KCNE3: variants seen among roughly 807,000 people sequenced by gnomAD.
KCNE3 encodes the protein potassium voltage-gated channel subfamily E regulatory subunit 3, also known as potassium voltage-gated channel subfamily E member 3.
A neutral mutation model predicts 4.3 loss-of-function variants in KCNE3; 2 were observed. The ratio of observed to expected loss-of-function variants is 0.47; its 90% CI spans 0.19 to 1.48. KCNE3 has a LOEUF of 1.48. Ranked by LOEUF, KCNE3 falls within the 40% of genes most tolerant of loss-of-function variation. KCNE3 has a pLI of 0.25. For synonymous variants in KCNE3, 47 were observed against 52.0 expected (o/e 0.90, Z 0.41); for missense variants, 128 against 136.8 (o/e 0.94, Z 0.32).
rs1403621784 is a variant in KCNE3 at position 74,456,524 on chromosome 11, A to T, written c.*728T>A. Reference sequence around the variant, plus strand: ...AACATTCAGGGTCCTGACTCACATGAGCTCCTTCTTAAGGTCCTAGCAGGG... The same window carrying T: ...AACATTCAGGGTCCTGACTCACATGTGCTCCTTCTTAAGGTCCTAGCAGGG... On this transcript the variant is annotated 3_prime_UTR_variant, in exon 3 of 3. Transcript: ENST00000310128. 6.6e-6 allele frequency: 1 copy of T among 152,248 alleles called. No homozygotes were observed. The highest frequency in any genetic ancestry group is 1.5e-5 in the Non-Finnish European group (1 of 68,160). 9.4% of individuals were successfully genotyped at this position (152,248 alleles called of 1,614,324 possible).
intron 1 of KCNE3, among the ~76,000 whole-genome samples, chr11:74,463,840 T>C (rs1268039773): frequency 6.6e-6 from 1 of 152,166 alleles, no homozygotes; most frequent in Non-Finnish European, 1.5e-5. Context: ...CAAATGGCAG[T>C]GTTTCCTCAC....
rs1863802251 is a variant in KCNE3, at chr11:74,456,014, G to A, written c.*1238C>T. ...AGTCTTTTAGAAGCAGATTCAACAT[G>A]ACATCAGAAAACTTCTCTCAGATAG... On this transcript the variant is annotated 3_prime_UTR_variant, in exon 3 of 3. Coordinates refer to ENST00000310128, the MANE Select transcript of KCNE3 (RefSeq NM_005472.5). 6.6e-6 allele frequency: 1 copy of A among 150,838 alleles called. No individual in the cohort carries two copies. Among genetic ancestry groups the A allele is most frequent in the South Asian group, 2.1e-4 (1 of 4,738 alleles). The allele number at this position is 150,838 out of a possible 1,614,324, so 9.3% of individuals were successfully genotyped here.
intron 1 of KCNE3, chr11:74,462,355 C>T (rs934937570): frequency 1.3e-4 from 20 of 152,400 alleles, no homozygotes; most frequent in African/African-American, 4.6e-4. Context: ...CTTACAGTGT[C>T]TTCACTGGGT....
In KCNE3 at chr11:74,457,413, G is replaced by A. The variant is rs1252788225; in HGVS notation, c.151C>T (p.Pro51Ser). Residue 51 changes from proline to serine, a missense_variant, in exon 3 of 3, where the codon CCT (proline) becomes TCT (serine). Pro to Ser is a moderately conservative substitution (Grantham distance 74). Transcript: ENST00000310128. ...ATGTAGGAGTTGTCATCACGGCCAGGTAGGCTGGCCCGCCTCTCTTCAGTC... is the reference window on the plus strand; with the variant it reads ...ATGTAGGAGTTGTCATCACGGCCAGATAGGCTGGCCCGCCTCTCTTCAGTC... ...NQTEERRASLPGRDDNSYMYI... is the reference protein window; with the variant it reads ...NQTEERRASLSGRDDNSYMYI... 6.8e-6 allele frequency: 11 copies of A among 1,613,640 alleles called. No individual in the cohort carries two copies. Among genetic ancestry groups the A allele is most frequent in the Non-Finnish European group, 9.3e-6 (11 of 1,179,704 alleles).
chr11:74,463,155 G>C (rs536915682), intron 1 of KCNE3, among the ~76,000 whole-genome samples: 56 of 152,290 alleles, frequency 3.7e-4, no homozygotes, highest in African/African-American at 1.2e-3. Context: ...GGAGGGGATA[G>C]ACTCTGCAGA....
In KCNE3 at chr11:74,467,070, G is replaced by A. The variant is rs1334384710; in HGVS notation, c.-190+328C>T. ...CACTGGCTGCCAGCTGCAAGTGTTC[G>A]CTTGCACGTCTGTGGGTGTGGAGGA... On this transcript the variant is annotated intron_variant, in intron 1 of 2. Coordinates refer to ENST00000310128, the MANE Select transcript of KCNE3 (RefSeq NM_005472.5). This position sits in a 1 kb window ranked among gnomAD's most constrained non-coding sequence, Gnocchi z 4.4. 6.6e-6 allele frequency among the ~76,000 whole-genome samples: 1 copy of A among 152,176 alleles called. No homozygotes were observed. Among genetic ancestry groups the A allele is most frequent in the East Asian group, 1.9e-4 (1 of 5,192 alleles).
chr11:74,459,299 T>C (rs1484940464), intron 2 of KCNE3, among the ~76,000 whole-genome samples: 2 of 146,856 alleles, frequency 1.4e-5, no homozygotes, highest in Non-Finnish European at 3.0e-5. Context: ...TCTCACTCTG[T>C]CGCCCAGGCT....
At chr11:74,462,650 A>G (rs1863978733) in intron 1 of KCNE3, 1 of 152,248 alleles carries the variant, frequency 6.6e-6, no homozygotes, top group Non-Finnish European at 1.5e-5. Flanking sequence ...AAAGAACATC[A>G]TGTAGTGCTT....
At chr11:74,465,824 C>G (rs1403669980) in intron 1 of KCNE3, among the ~76,000 whole-genome samples, 1 of 152,194 alleles carries the variant, frequency 6.6e-6, no homozygotes, top group Non-Finnish European at 1.5e-5. Flanking sequence ...TGCAAACATA[C>G]AAGATAATTA....
intron 1 of KCNE3, among the ~76,000 whole-genome samples, chr11:74,465,999 C>T (rs1864050118): frequency 6.6e-6 from 1 of 152,038 alleles, no homozygotes; most frequent in African/African-American, 2.4e-5. Context: ...CCAGGAACCT[C>T]ACCTTCTCCA....
chr11:74,464,487 TA>T (rs1262644439), intron 1 of KCNE3, among the ~76,000 whole-genome samples: 22 of 151,850 alleles, frequency 1.4e-4, no homozygotes, highest in African/African-American at 5.3e-4. Flanking sequence ...GTTGAAGGAG[TA>T]GCCCTTAGCA....
intron 1 of KCNE3, among the ~76,000 whole-genome samples, chr11:74,465,590 C>A (rs1864043124): frequency 6.6e-6 from 1 of 152,184 alleles, no homozygotes; most frequent in African/African-American, 2.4e-5. Flanking sequence ...CACCCACCCA[C>A]TGCACACACA....
rs897533008 is a variant in KCNE3, at chr11:74,455,152, T to C, written c.*2100A>G. 2.0e-5 allele frequency: 3 copies of C among 152,200 alleles called. No homozygotes were observed. The highest frequency in any genetic ancestry group is 4.4e-5 in the Non-Finnish European group (3 of 68,034). The allele number at this position is 152,200 out of a possible 1,614,324, so 9.4% of individuals were successfully genotyped here. ...TATTATACAAGTAACATACTTACGG[T>C]CAAGTCAGTCAAATATTACATAAAT... On this transcript the variant is annotated 3_prime_UTR_variant, in exon 3 of 3. Transcript: ENST00000310128.
intron 2 of KCNE3, among the ~76,000 whole-genome samples, chr11:74,460,098 T>C (rs1863918189): frequency 1.3e-5 from 2 of 152,344 alleles, no homozygotes; most frequent in East Asian, 1.9e-4. Context: ...AATGGCTCTA[T>C]GAACACAATC....
intron 1 of KCNE3, chr11:74,464,311 G>A (rs1358433197): frequency 6.6e-6 from 1 of 152,178 alleles, no homozygotes; most frequent in Non-Finnish European, 1.5e-5. Flanking sequence ...CTTTCAGAAT[G>A]AGCGTCTTCA....
chr11:74,463,595 G>A (rs1426397963), intron 1 of KCNE3, among the ~76,000 whole-genome samples: 1 of 152,112 alleles, frequency 6.6e-6, no homozygotes, highest in Non-Finnish European at 1.5e-5. Flanking sequence ...GAGAGGTCTT[G>A]CCTTGAAATA....
chr11:74,462,276 C>G (rs1428958581), intron 1 of KCNE3, 173 bp from the exon 2 acceptor site: 2 of 152,602 alleles, frequency 1.3e-5, no homozygotes, highest in Non-Finnish European at 2.9e-5. Flanking sequence ...GTCAGGCCAG[C>G]CTAGGGTTGC....
At chr11:74,463,146 G>A (rs1863990826) in intron 1 of KCNE3, among the ~76,000 whole-genome samples, 1 of 152,172 alleles carries the variant, frequency 6.6e-6, no homozygotes, top group Non-Finnish European at 1.5e-5. Context: ...CTAGCCTGAG[G>A]AGGGGATAGA....
chr11:74,459,387 C>G (rs757521759), intron 2 of KCNE3, among the ~76,000 whole-genome samples: 5 of 151,720 alleles, frequency 3.3e-5, no homozygotes, highest in Admixed American at 6.6e-5. Flanking sequence ...TCAGCCTCCC[C>G]AGTAGCTGGG....
Sources: allele counts gnomAD v4.1 joint callset (sites outside exome capture counted in the v4.1 genomes callset), GRCh38; gene constraint gnomAD v4.1.1; non-coding constraint Gnocchi (gnomAD v3.1); transcripts MANE v1.5; gene names NCBI Gene and HGNC (gene_info 2026-07-23, HGNC 2026-07-21).